NNT: variants seen among roughly 807,000 people sequenced by gnomAD.
The protein encoded by NNT is NAD(P) transhydrogenase, mitochondrial.
In NNT, 50 loss-of-function variants were observed where a neutral mutation model predicts 104.8. That is an observed-to-expected ratio of 0.48 (90% confidence interval 0.38 to 0.60). NNT has a LOEUF of 0.60. Ranked by LOEUF, NNT falls within the 20% of genes least tolerant of loss-of-function variation. The pLI is 0.00. For missense variants in NNT, 1,131 were observed against 1,330.7 expected (o/e 0.85, Z 2.33); for synonymous variants, 461 against 490.4 (o/e 0.94, Z 0.79).
chr5:43,659,598 G>A (rs184041656), intron 17 of NNT, among the ~76,000 whole-genome samples: 4 of 152,152 alleles, frequency 2.6e-5, no homozygotes, highest in Non-Finnish European at 5.9e-5. Flanking sequence ...GCGTGGTGGT[G>A]GGTGCCTGTA....
At chr5:43,682,674 T>A (rs1394034116) in intron 19 of NNT, among the ~76,000 whole-genome samples, 2 of 152,230 alleles carry the variant, frequency 1.3e-5, no homozygotes, top group African/African-American at 4.8e-5. Flanking sequence ...CAGTTAAAAT[T>A]ATCTTGTATA....
intron 17 of NNT, among the ~76,000 whole-genome samples, chr5:43,663,324 T>G (rs1015345268): frequency 9.2e-5 from 14 of 152,208 alleles, no homozygotes; most frequent in Non-Finnish European, 4.4e-5. Flanking sequence ...CTTTTGATAT[T>G]ACTAAATTGA....
intron 21 of NNT, among the ~76,000 whole-genome samples, chr5:43,703,577 GT>G: frequency 6.6e-6 from 1 of 152,248 alleles, no homozygotes; most frequent in East Asian, 1.9e-4. Context: ...TAGATTACAT[GT>G]CCTAGTAGAC....
chr5:43,616,509 TA>T, intron 4 of NNT, among the ~76,000 whole-genome samples: 1 of 152,230 alleles, frequency 6.6e-6, no homozygotes, highest in Non-Finnish European at 1.5e-5. Flanking sequence ...GGTAAATTTA[TA>T]AAATATTTAA....
Position 43,705,015 on chromosome 5 carries a change from A to C in NNT, c.*611A>C, listed in dbSNP as rs1412452390. On this transcript the variant is annotated 3_prime_UTR_variant, in exon 22 of 22. Transcript: ENST00000344920. ...TTTTAATACATTAAAGGACTAAATA[A>C]TCTTTCAGAGATGCTGGAAACAAAT... The C allele has an allele frequency of 6.6e-6, 1 of 152,184 alleles. No homozygotes were observed. The highest frequency in any genetic ancestry group is 2.4e-5 in the African/African-American group (1 of 41,446). 9.4% of individuals were successfully genotyped at this position (152,184 alleles called of 1,614,324 possible).
intron 10 of NNT, 91 bp from the exon 11 acceptor site, chr5:43,649,056 T>C: frequency 7.2e-7 from 1 of 1,389,136 alleles, no homozygotes; most frequent in Non-Finnish European, 1.0e-6. Flanking sequence ...TTTAAAAGCA[T>C]TGGCTATTCC....
chr5:43,605,295 T>C (rs866575554), intron 1 of NNT, among the ~76,000 whole-genome samples: 1 of 151,698 alleles, frequency 6.6e-6, no homozygotes, highest in Non-Finnish European at 1.5e-5. Flanking sequence ...GGCGGGTGGA[T>C]CATGAGGTCA....
At chr5:43,639,337 T>C (rs1263775210) in intron 7 of NNT, among the ~76,000 whole-genome samples, 2 of 152,166 alleles carry the variant, frequency 1.3e-5, no homozygotes, top group African/African-American at 2.4e-5. Flanking sequence ...TATGTGCATA[T>C]ATCAATAAAT....
At position 43,650,544 on chromosome 5, in the gene NNT, C is replaced by T. The variant is rs746829785; in HGVS notation, c.1674C>T (p.Gly558=). ...TGTATCCTTCCACAACTTCTCAGGG[C>T]CTTGCTGCTCTTGCTGCATTCATAT... is the stretch of plus-strand genomic sequence containing the variant. ...GHLYPSTTSQ[G]LAALAAFISS... The change falls in exon 12 of 22, where the codon GGC becomes GGT. Residue 558 remains glycine, a synonymous_variant. Coordinates refer to ENST00000344920, the MANE Select transcript of NNT (RefSeq NM_182977.3). The T allele has an allele frequency of 1.9e-6, 3 of 1,614,060 alleles. No individual in the cohort carries two copies. The highest frequency in any genetic ancestry group is 1.3e-5 in the African/African-American group (1 of 75,012).
chr5:43,673,047 A>G (rs974394808), intron 17 of NNT, among the ~76,000 whole-genome samples: 1 of 152,160 alleles, frequency 6.6e-6, no homozygotes, highest in African/African-American at 2.4e-5. Context: ...TGTGCTAGCA[A>G]TGAGCGAGGC....
intron 2 of NNT, among the ~76,000 whole-genome samples, chr5:43,611,552 C>T (rs1749500271): frequency 6.6e-6 from 1 of 152,156 alleles, no homozygotes; most frequent in Non-Finnish European, 1.5e-5. Flanking sequence ...TATTTTCCTC[C>T]TTCTCCTTCC....
intron 19 of NNT, 106 bp downstream of exon 19, chr5:43,677,912 CG>C: frequency 2.4e-6 from 2 of 821,990 alleles, no homozygotes; most frequent in African/African-American, 1.7e-5. Context: ...GGCACTGACC[CG>C]CCCATACAAT....
intron 10 of NNT, among the ~76,000 whole-genome samples, chr5:43,646,713 G>GGGTA (rs748291435): frequency 2.6e-5 from 4 of 151,972 alleles, no homozygotes; most frequent in Non-Finnish European, 5.9e-5. Context: ...CTGCACACAT[G>GGGTA]GGTAGGACAA....
intron 19 of NNT, among the ~76,000 whole-genome samples, chr5:43,692,680 T>C (rs549616659): frequency 6.6e-6 from 1 of 152,254 alleles, no homozygotes; most frequent in Admixed American, 6.5e-5. Context: ...AATGGTGATG[T>C]AAAAACCCCA....
At position 43,612,882 on chromosome 5, in the gene NNT, T is replaced by TA. The variant is rs139409541; in HGVS notation, c.152-26_152-25insA. 0.47 allele frequency: 633,170 copies of TA among 1,354,618 alleles called. 149,800 individuals carry two copies. Among genetic ancestry groups the TA allele is most frequent in the Middle Eastern group, 0.59 (3,205 of 5,472 alleles). 83.9% of individuals were successfully genotyped at this position (1,354,618 alleles called of 1,614,324 possible). A position where few individuals can be genotyped will look rare whatever the true frequency, so the allele number is the denominator to read the frequency against. ...TGTTTGTTTTTTTACCAAATATATA[T>TA]TTTTTTTGCCTTTGCTTGTTTCTAG... On this transcript the variant is annotated intron_variant, in intron 2 of 21. Coordinates refer to ENST00000344920, the MANE Select transcript of NNT (RefSeq NM_182977.3).
intron 16 of NNT, among the ~76,000 whole-genome samples, chr5:43,658,335 A>G (rs1740167689): frequency 1.3e-5 from 2 of 152,178 alleles, no homozygotes; most frequent in African/African-American, 4.8e-5. Context: ...ACAAACAAAA[A>G]AAGGTAAAAA....
chr5:43,693,795 T>C (rs142013093), intron 19 of NNT, among the ~76,000 whole-genome samples: 244 of 152,336 alleles, frequency 1.6e-3, no homozygotes, highest in African/African-American at 5.6e-3. Context: ...AAAACCTGCA[T>C]TAAGATGGTG....
intron 7 of NNT, 74 bp downstream of exon 7, chr5:43,628,461 A>G (rs1184797476): frequency 3.6e-6 from 4 of 1,118,576 alleles, no homozygotes; most frequent in Non-Finnish European, 4.9e-6. Context: ...AGAGTGAATG[A>G]TTGCTTAACA....
chr5:43,702,826 G>A, intron 21 of NNT, 90 bp downstream of exon 21: 2 of 928,724 alleles, frequency 2.2e-6, no homozygotes, highest in South Asian at 1.7e-5. Context: ...GATAAGAAAT[G>A]ATGATGCCTT....
Sources: allele counts gnomAD v4.1 joint callset (sites outside exome capture counted in the v4.1 genomes callset), GRCh38; gene constraint gnomAD v4.1.1; transcripts MANE v1.5; gene names NCBI Gene and HGNC (gene_info 2026-07-23, HGNC 2026-07-21).